SLC6A11: variants seen among roughly 807,000 people sequenced by gnomAD.
The protein encoded by SLC6A11 is sodium- and chloride-dependent GABA transporter 3.
Under a neutral mutation model 74.8 loss-of-function variants are expected in SLC6A11, and 25 were observed. The observed-to-expected ratio is 0.33, with a 90% confidence interval of 0.24 to 0.47. The LOEUF is 0.47. Among genes scored for constraint, SLC6A11 ranks in the 20% least tolerant of loss-of-function variants. The pLI, the probability that SLC6A11 is intolerant of heterozygous loss-of-function variation, is 1.00. For synonymous variants in SLC6A11, 330 were observed against 330.2 expected, an observed-to-expected ratio of 1.00 and a Z score of 0.01; for missense variants, 574 against 837.0, an observed-to-expected ratio of 0.69 and a Z score of 3.88.
At chr3:10,845,464 A>T (rs1300095507) in intron 5 of SLC6A11, among the ~76,000 whole-genome samples, 5 of 152,154 alleles carry the variant, frequency 3.3e-5, no homozygotes, top group African/African-American at 7.2e-5. Flanking sequence ...CCTCCTTCCC[A>T]TAGGCAGTTG....
intron 5 of SLC6A11, among the ~76,000 whole-genome samples, chr3:10,867,766 C>T (rs996676747): frequency 2.6e-5 from 4 of 152,228 alleles, no homozygotes; most frequent in African/African-American, 9.6e-5. Flanking sequence ...TTTCATGTCC[C>T]TTAAGGTGAA....
chr3:10,873,689 C>T (rs941394655), intron 5 of SLC6A11, among the ~76,000 whole-genome samples: 69 of 134,720 alleles, frequency 5.1e-4, no homozygotes, highest in Admixed American at 2.4e-3. Flanking sequence ...TATCCCGTCC[C>T]ATCCTATCCT....
intron 7 of SLC6A11, 103 bp downstream of exon 7, chr3:10,912,296 G>A: frequency 7.6e-6 from 6 of 793,906 alleles, no homozygotes; most frequent in South Asian, 4.4e-5. Flanking sequence ...AGGGCCCCAG[G>A]AGGAGATAGA....
intron 4 of SLC6A11, among the ~76,000 whole-genome samples, chr3:10,826,536 C>T (rs180917079): frequency 6.6e-6 from 1 of 152,148 alleles, no homozygotes; most frequent in African/African-American, 2.4e-5. Flanking sequence ...ATATGGAAAA[C>T]CTTAATTAAA....
intron 6 of SLC6A11, among the ~76,000 whole-genome samples, chr3:10,882,405 A>G (rs1419449625): frequency 6.6e-6 from 1 of 152,104 alleles, no homozygotes; most frequent in African/African-American, 2.4e-5. Context: ...CTCCTGGTGC[A>G]TCTCATCTGT....
At position 10,912,150 on chromosome 3, in the gene SLC6A11, AC is replaced by A; in HGVS notation, c.954del (p.Ala319LeufsTer22). ...CTATGCCATTTGCCTGGGCTGTCTG[AC>A]CGCTCTGGGAAGTTATAACAATTAT... is the stretch of plus-strand genomic sequence containing the variant. ...FSYAICLGCL[T>X]ALGSYNNYNN... On this transcript the variant is annotated frameshift_variant, in exon 7 of 14. Transcript: ENST00000254488. LOFTEE classifies it high-confidence loss of function. 1.2e-6 allele frequency: 2 copies of A among 1,613,876 alleles called. No individual in the cohort carries two copies. The highest frequency in any genetic ancestry group is 1.7e-6 in the Non-Finnish European group (2 of 1,179,826).
At chr3:10,907,494 T>G (rs1695321423) in intron 6 of SLC6A11, among the ~76,000 whole-genome samples, 1 of 152,180 alleles carries the variant, frequency 6.6e-6, no homozygotes, top group African/African-American at 2.4e-5. Flanking sequence ...TTTGGGATCT[T>G]TTTTCTCCTG....
intron 6 of SLC6A11, among the ~76,000 whole-genome samples, chr3:10,882,184 A>G (rs1210452824): frequency 1.3e-5 from 2 of 152,226 alleles, no homozygotes; most frequent in Non-Finnish European, 2.9e-5. Flanking sequence ...CTGAGACGGC[A>G]CAGCAAGTCA....
rs1360481355 is a variant in SLC6A11 at position 10,929,240 on chromosome 3, C to T, written c.1272C>T (p.Asp424=). 8 of 1,614,128 alleles carry T rather than the reference C, an allele frequency of 5.0e-6. No individual in the cohort carries two copies. In the South Asian group the frequency reaches 5.5e-5, roughly 11 times the overall value. The part of the protein sequence containing the change: ...CVESLVTAVV[D]MYPKVFRRGY... ...AAAGCCTGGTGACCGCCGTGGTGGA[C>T]ATGTACCCCAAGGTTTTCCGGAGGG... is the stretch of plus-strand genomic sequence containing the variant. Residue 424 remains aspartate, a synonymous_variant, in exon 10 of 14, where the codon GAC becomes GAT. Transcript: ENST00000254488.
chr3:10,852,561 G>A (rs1329886811), intron 5 of SLC6A11, among the ~76,000 whole-genome samples: 3 of 152,232 alleles, frequency 2.0e-5, no homozygotes, highest in Admixed American at 2.0e-4. Flanking sequence ...ATTGCTGGGT[G>A]GGAGGGGGTT....
chr3:10,868,193 A>G (rs1007315345), intron 5 of SLC6A11, among the ~76,000 whole-genome samples: 1 of 152,170 alleles, frequency 6.6e-6, no homozygotes, highest in Non-Finnish European at 1.5e-5. Context: ...TGCCCAGCAC[A>G]TTGGATCTTC....
chr3:10,872,007 G>T (rs1694833066), intron 5 of SLC6A11, among the ~76,000 whole-genome samples: 1 of 152,140 alleles, frequency 6.6e-6, no homozygotes, highest in African/African-American at 2.4e-5. Flanking sequence ...TTGAGGACTG[G>T]GTTTAAAATC....
At chr3:10,931,768 C>T (rs1695690825) in intron 10 of SLC6A11, among the ~76,000 whole-genome samples, 1 of 152,216 alleles carries the variant, frequency 6.6e-6, no homozygotes. Context: ...CCTGGTACCA[C>T]ACCCACCTCC....
intron 4 of SLC6A11, among the ~76,000 whole-genome samples, chr3:10,828,455 A>G (rs1054453344): frequency 3.3e-5 from 5 of 152,058 alleles, no homozygotes; most frequent in Admixed American, 3.3e-4. Context: ...TTTGGACATG[A>G]GATTTGGGAT....
At chr3:10,881,812 G>GC (rs1306270882) in intron 6 of SLC6A11, among the ~76,000 whole-genome samples, 4 of 152,192 alleles carry the variant, frequency 2.6e-5, no homozygotes, top group Non-Finnish European at 5.9e-5. Flanking sequence ...CCCCAGTTTA[G>GC]CCCTGTGGCC....
At position 10,888,919 on chromosome 3, in the gene SLC6A11, C is replaced by G. The variant is rs145493771; in HGVS notation, c.891+13824C>G. On this transcript the variant is annotated intron_variant, in intron 6 of 13. Coordinates refer to ENST00000254488, the MANE Select transcript of SLC6A11 (RefSeq NM_014229.3). ...TAATCAGGAGAAATTTACCAAGTAT[C>G]CATTCTTGCTAGATATTTCCTGGGC... Among the ~76,000 whole-genome samples the G allele has an allele frequency of 5.3e-5, 8 of 152,254 alleles. No homozygotes were observed. In the East Asian group the frequency reaches 1.5e-3, roughly 29 times the overall value.
intron 1 of SLC6A11, among the ~76,000 whole-genome samples, chr3:10,817,838 T>TG (rs1694083258): frequency 6.6e-6 from 1 of 152,166 alleles, no homozygotes; most frequent in Non-Finnish European, 1.5e-5. Context: ...GGAGTGGACT[T>TG]GGAGACCCCC....
At chr3:10,829,625 G>A (rs1694267294) in intron 4 of SLC6A11, among the ~76,000 whole-genome samples, 1 of 152,184 alleles carries the variant, frequency 6.6e-6, no homozygotes, top group African/African-American at 2.4e-5. Flanking sequence ...CCTGTCAAGT[G>A]TGTGACCCTG....
At chr3:10,865,890 G>T (rs1694757832) in intron 5 of SLC6A11, among the ~76,000 whole-genome samples, 1 of 152,172 alleles carries the variant, frequency 6.6e-6, no homozygotes, top group Non-Finnish European at 1.5e-5. Context: ...GAAGGAAACA[G>T]TGTGGATCAT....
Sources: allele counts gnomAD v4.1 joint callset (sites outside exome capture counted in the v4.1 genomes callset), GRCh38; gene constraint gnomAD v4.1.1; transcripts MANE v1.5; gene names NCBI Gene and HGNC (gene_info 2026-07-23, HGNC 2026-07-21).